EYS: variants seen among roughly 807,000 people sequenced by gnomAD.
EYS encodes the protein protein eyes shut homolog.
In EYS, 250 loss-of-function variants were observed where a neutral mutation model predicts 282.1. The observed-to-expected ratio is 0.89, with a 90% CI of 0.80 to 0.98. The LOEUF is 0.98. Ranked by LOEUF, EYS falls within the 50% of genes least tolerant of loss-of-function variation. The pLI, the probability that EYS is intolerant of heterozygous loss-of-function variation, is 0.00. For missense variants in EYS, 4,016 were observed against 3,709.0 expected, an observed-to-expected ratio of 1.08 and a Z score of -2.15; for synonymous variants, 1,355 against 1,282.9, an observed-to-expected ratio of 1.06 and a Z score of -1.20.
intron 26 of EYS, among the ~76,000 whole-genome samples, chr6:64,457,221 G>A (rs1027699954): frequency 6.6e-5 from 10 of 151,862 alleles, no homozygotes; most frequent in South Asian, 4.1e-4. Flanking sequence ...CACCATGGTC[G>A]AAAATGATAC....
intron 26 of EYS, among the ~76,000 whole-genome samples, chr6:64,588,186 A>G (rs901037563): frequency 1.3e-5 from 2 of 152,088 alleles, no homozygotes; most frequent in African/African-American, 2.4e-5. Flanking sequence ...GCCAATTCAA[A>G]ATTAACTAGG....
chr6:64,766,099 T>C (rs1469160021), intron 22 of EYS, among the ~76,000 whole-genome samples: 1 of 151,562 alleles, frequency 6.6e-6, no homozygotes, highest in Non-Finnish European at 1.5e-5. Flanking sequence ...GCTAACTCTT[T>C]GTATTTTTAG....
At chr6:64,293,869 G>C (rs1768804654) in intron 30 of EYS, among the ~76,000 whole-genome samples, 1 of 152,110 alleles carries the variant, frequency 6.6e-6, no homozygotes, top group Non-Finnish European at 1.5e-5. Context: ...CTGTAGGGAA[G>C]AAACTAGAGG....
chr6:64,881,015 T>C (rs1377977633), intron 19 of EYS, among the ~76,000 whole-genome samples: 1 of 151,552 alleles, frequency 6.6e-6, no homozygotes, highest in Non-Finnish European at 1.5e-5. Context: ...GAAGTAGTAT[T>C]GCCATTCTCT....
chr6:64,421,604 T>C (rs1038843509), intron 28 of EYS, among the ~76,000 whole-genome samples: 1 of 152,150 alleles, frequency 6.6e-6, no homozygotes, highest in Non-Finnish European at 1.5e-5. Context: ...CTTTGGCTCA[T>C]GAATCATTTA....
chr6:64,337,613 T>A (rs1696164411), intron 29 of EYS, among the ~76,000 whole-genome samples: 1 of 151,914 alleles, frequency 6.6e-6, no homozygotes, highest in Admixed American at 6.6e-5. Context: ...GAGGGAACCC[T>A]CCCTAATTCA....
At chr6:64,632,275 A>T (rs1767808245) in intron 22 of EYS, among the ~76,000 whole-genome samples, 1 of 148,184 alleles carries the variant, frequency 6.7e-6, no homozygotes, top group African/African-American at 2.5e-5. Flanking sequence ...ATTAGTGACC[A>T]CAACTACATA....
intron 12 of EYS, among the ~76,000 whole-genome samples, chr6:65,205,876 A>G (rs1766021791): frequency 6.6e-6 from 1 of 151,914 alleles, no homozygotes; most frequent in Admixed American, 6.6e-5. Flanking sequence ...AACCTCTGTG[A>G]TATAGCAAAA....
At chr6:64,971,794 G>A (rs1770304505) in intron 14 of EYS, among the ~76,000 whole-genome samples, 1 of 152,134 alleles carries the variant, frequency 6.6e-6, no homozygotes, top group Non-Finnish European at 1.5e-5. Context: ...AGTGCTGGAA[G>A]AGAATCCCGA....
rs540302353 is a variant in EYS at position 64,080,630 on chromosome 6, C to T, written c.6571+1226G>A. 7.3e-3 allele frequency among the ~76,000 whole-genome samples: 1,115 copies of T among 151,926 alleles called. 12 individuals are homozygous for T. The highest frequency in any genetic ancestry group is 0.026 in the African/African-American group (1,061 of 41,286). The stretch of plus-strand genomic sequence containing the variant: ...GGTGTTTTAGACATGAAGTCCTTGC[C>T]CCTGCCTATGTCCTGAATGGTATTG... On this transcript the variant is annotated intron_variant, in intron 32 of 42. Transcript: ENST00000503581.
chr6:63,788,098 G>T lies in EYS; in HGVS notation c.7723+7C>A. The T allele has an allele frequency of 6.5e-7, 1 of 1,527,276 alleles. No individual in the cohort carries two copies. The highest frequency in any genetic ancestry group is 8.8e-7 in the Non-Finnish European group (1 of 1,138,780). 94.6% of individuals were successfully genotyped at this position (1,527,276 alleles called of 1,614,324 possible). On this transcript the variant is annotated splice_region_variant and intron_variant, in intron 39 of 42. Coordinates refer to ENST00000503581, the MANE Select transcript of EYS (RefSeq NM_001142800.2). ...TAGGTATAATATAAAAAATGTCCAT[G>T]CCTTACCTTGAAAACCATTTTTAAA...
At chr6:65,348,624 C>A (rs572564943) in intron 9 of EYS, among the ~76,000 whole-genome samples, 1 of 151,538 alleles carries the variant, frequency 6.6e-6, no homozygotes, top group East Asian at 2.0e-4. Context: ...GGTTATTAAT[C>A]CCTTGTCAGA....
intron 12 of EYS, among the ~76,000 whole-genome samples, chr6:65,072,753 AT>A (rs1211018121): frequency 6.6e-6 from 1 of 151,766 alleles, no homozygotes; most frequent in East Asian, 1.9e-4. Context: ...AGAAATGAAT[AT>A]TATACCAAAA....
chr6:65,296,456 T>C (rs1207760301), intron 11 of EYS, among the ~76,000 whole-genome samples: 1 of 151,766 alleles, frequency 6.6e-6, no homozygotes, highest in African/African-American at 2.4e-5. Flanking sequence ...ATTATTAGGT[T>C]GGTGCAAAAG....
intron 7 of EYS, among the ~76,000 whole-genome samples, chr6:65,385,979 T>A (rs146858566): frequency 6.6e-6 from 1 of 152,008 alleles, no homozygotes; most frequent in Non-Finnish European, 1.5e-5. Context: ...TGGAATGGAC[T>A]GAATTGGCCA....
chr6:64,357,274 A>AT (rs1217458938), intron 29 of EYS, among the ~76,000 whole-genome samples: 3 of 151,664 alleles, frequency 2.0e-5, no homozygotes, highest in African/African-American at 7.3e-5. Context: ...AGAACATCAT[A>AT]AATACCACAT....
intron 1 of EYS, among the ~76,000 whole-genome samples, chr6:65,698,644 G>GT (rs772999003): frequency 6.6e-6 from 1 of 152,068 alleles, no homozygotes. Flanking sequence ...GTGCACTACT[G>GT]TTTTTTGTGA....
chr6:64,430,470 T>G (rs574134727), intron 28 of EYS, among the ~76,000 whole-genome samples: 1 of 152,174 alleles, frequency 6.6e-6, no homozygotes, highest in Non-Finnish European at 1.5e-5. Flanking sequence ...AAATAGCGTA[T>G]ATATCAGTAC....
At chr6:64,691,512 T>A (rs1770381215) in intron 22 of EYS, among the ~76,000 whole-genome samples, 2 of 152,156 alleles carry the variant, frequency 1.3e-5, no homozygotes, top group African/African-American at 4.8e-5. Context: ...AATTTCAGTT[T>A]CAACTTCTCT....
Sources: gnomAD v4.1 joint callset for allele counts (sites outside exome capture counted in the v4.1 genomes callset) on GRCh38, gnomAD v4.1.1 for gene constraint, MANE v1.5 for transcripts, NCBI Gene and HGNC (gene_info 2026-07-23, HGNC 2026-07-21) for gene names.